The following CLPX variants were observed in gnomAD, a reference collection of about 807,000 sequenced individuals.
CLPX encodes ATP-dependent clpX-like chaperone, mitochondrial.
Under a neutral mutation model 76.4 loss-of-function variants are expected in CLPX, and 34 were observed. That is an observed-to-expected ratio of 0.45 (90% confidence interval 0.34 to 0.59). The LOEUF (loss-of-function observed/expected upper bound fraction) is 0.59, where lower values mean the gene tolerates loss of function less well. Among genes scored for constraint, CLPX ranks in the 20% least tolerant of loss-of-function variants. The pLI is 0.01. For missense variants in CLPX, 613 were observed against 757.0 expected (o/e 0.81, Z 2.23); for synonymous variants, 248 against 270.9 (o/e 0.92, Z 0.83).
chr15:65,149,044 C>T lies in CLPX; in HGVS notation c.*1779G>A, dbSNP rs2087685989. On this transcript the variant is annotated 3_prime_UTR_variant, in exon 14 of 14. Coordinates refer to ENST00000300107, the MANE Select transcript of CLPX (RefSeq NM_006660.5). ...TGTTCTAAGAAGCCAAAGAATTAGA[C>T]CAAAATGTTCAGCACCAAAAAACAA... The T allele has an allele frequency of 6.6e-6, 1 of 152,076 alleles. No individual in the cohort carries two copies. 9.4% of individuals were successfully genotyped at this position (152,076 alleles called of 1,614,324 possible). A position where few individuals can be genotyped will look rare whatever the true frequency, so the allele number is the denominator to read the frequency against.
At chr15:65,160,592 T>TTCTCTCTC (rs1226717522) in intron 6 of CLPX, among the ~76,000 whole-genome samples, 48 of 118,514 alleles carry the variant, frequency 4.1e-4, no homozygotes, top group African/African-American at 1.5e-3. Context: ...CATTCACTCA[T>TTCTCTCTC]TCTCTCTCTC....
At chr15:65,156,189 TC>T (rs1328215019) in intron 9 of CLPX, among the ~76,000 whole-genome samples, 1 of 152,176 alleles carries the variant, frequency 6.6e-6, no homozygotes, top group East Asian at 1.9e-4. Context: ...GTGGGAACAT[TC>T]AAAATTAGAA....
At chr15:65,159,390 C>A (rs2087826066) in intron 6 of CLPX, among the ~76,000 whole-genome samples, 1 of 152,166 alleles carries the variant, frequency 6.6e-6, no homozygotes, top group African/African-American at 2.4e-5. Flanking sequence ...CATGGTGGCT[C>A]ACCTGAGGTC....
intron 1 of CLPX, chr15:65,184,339 C>T (rs910150215): frequency 6.6e-6 from 1 of 152,218 alleles, no homozygotes; most frequent in Non-Finnish European, 1.5e-5. Flanking sequence ...AAAAGGTAAA[C>T]AACATGCGCC....
At chr15:65,170,570 C>T (rs1459347234) in intron 3 of CLPX, among the ~76,000 whole-genome samples, 1 of 151,718 alleles carries the variant, frequency 6.6e-6, no homozygotes, top group Non-Finnish European at 1.5e-5. Flanking sequence ...TTTGAGACCA[C>T]CCTGGCCAAC....
chr15:65,175,864 T>A (rs1442402520), intron 3 of CLPX, among the ~76,000 whole-genome samples: 1 of 152,176 alleles, frequency 6.6e-6, no homozygotes, highest in Non-Finnish European at 1.5e-5. Flanking sequence ...AAAAGACTTT[T>A]ATTATGGGTA....
rs551923573 is a variant in CLPX, at chr15:65,155,637, G to T, written c.1311+55C>A. On this transcript the variant is annotated intron_variant, in intron 10 of 13. Transcript: ENST00000300107. The stretch of plus-strand genomic sequence containing the variant: ...CCGCAGATATGAGAATGGAAACTGA[G>T]TGTACATCCTTTAAATGCTCTCTAT... The T allele has an allele frequency of 3.9e-5, 55 of 1,407,654 alleles. No homozygotes were observed. The African/African-American group carries it at 6.3e-4, about 16-fold the overall frequency. 87.2% of individuals were successfully genotyped at this position (1,407,654 alleles called of 1,614,324 possible). A position where few individuals can be genotyped will look rare whatever the true frequency, so the allele number is the denominator to read the frequency against.
chr15:65,184,207 A>C (rs2088220930), intron 1 of CLPX, among the ~76,000 whole-genome samples: 1 of 152,262 alleles, frequency 6.6e-6, no homozygotes, highest in Admixed American at 6.5e-5. Context: ...GAAGTCAGTC[A>C]TTATAACAGG....
At chr15:65,179,241 C>G (rs2088131383) in intron 2 of CLPX, among the ~76,000 whole-genome samples, 190 bp from the exon 3 acceptor site, 1 of 152,132 alleles carries the variant, frequency 6.6e-6, no homozygotes. Flanking sequence ...CAAATCAGTT[C>G]TAGTAAATAC....
At chr15:65,166,806 A>G in intron 3 of CLPX, 21 bp from the exon 4 acceptor site, 1 of 1,594,490 alleles carries the variant, frequency 6.3e-7, no homozygotes, top group Non-Finnish European at 8.5e-7. Flanking sequence ...AAACAGACAT[A>G]AGTAGAGGGA....
Position 65,156,911 on chromosome 15 carries a change from A to G in CLPX, c.1079T>C (p.Val360Ala). 1 of 1,611,928 alleles carries G rather than the reference A, an allele frequency of 6.2e-7. No homozygotes were observed. The highest frequency in any genetic ancestry group is 8.5e-7 in the Non-Finnish European group (1 of 1,178,656). Residue 360 changes from valine to alanine, a missense_variant, in exon 9 of 14, where the codon GTA (valine) becomes GCA (alanine). Transcript: ENST00000300107. ...AQQGIVFLDE[V>A]DKIGSVPGIH... ...GCCTGGCACACTGCCAATCTTATCT[A>G]CTTCATCCAGAAAGACAATTCCTAT...
chr15:65,177,226 G>A (rs1035762754), intron 3 of CLPX, among the ~76,000 whole-genome samples: 2 of 151,888 alleles, frequency 1.3e-5, no homozygotes, highest in African/African-American at 2.4e-5. Context: ...ACGCCACCAC[G>A]CCCGGCTAAT....
At chr15:65,157,435 G>T (rs1464295012) in intron 8 of CLPX, among the ~76,000 whole-genome samples, 1 of 152,134 alleles carries the variant, frequency 6.6e-6, no homozygotes, top group African/African-American at 2.4e-5. Context: ...CCTTGCCCCT[G>T]CCCTGTCCTG....
chr15:65,165,627 C>T (rs1250214847), intron 4 of CLPX, among the ~76,000 whole-genome samples: 5 of 151,620 alleles, frequency 3.3e-5, no homozygotes, highest in East Asian at 3.9e-4. Context: ...CCTCATGATC[C>T]GCCCGCCTCG....
rs2087680381 is a variant in CLPX, at chr15:65,148,475, A to G, written c.*2348T>C. 1 of 152,192 alleles carries G rather than the reference A, an allele frequency of 6.6e-6. No individual in the cohort carries two copies. The highest frequency in any genetic ancestry group is 1.5e-5 in the Non-Finnish European group (1 of 68,032). 9.4% of individuals were successfully genotyped at this position (152,192 alleles called of 1,614,324 possible). On this transcript the variant is annotated 3_prime_UTR_variant, in exon 14 of 14. Transcript: ENST00000300107. ...ATAATGAACAAAGTTATAATATGTA[A>G]GACTTCCTGGGAAGAACTTGAACCA... is the stretch of plus-strand genomic sequence containing the variant.
In CLPX at chr15:65,163,924, G is replaced by A. The variant is rs2087880291; in HGVS notation, c.673+105C>T. 4.2e-5 allele frequency: 46 copies of A among 1,083,926 alleles called. No individual in the cohort carries two copies. The South Asian group carries it at 6.0e-4, about 14-fold the overall frequency. 67.1% of individuals were successfully genotyped at this position (1,083,926 alleles called of 1,614,324 possible). On this transcript the variant is annotated intron_variant, in intron 5 of 13. Coordinates refer to ENST00000300107, the MANE Select transcript of CLPX (RefSeq NM_006660.5). ...GGGAATAACCTGCACTTTGAAAAAT[G>A]CCACACTATATAAAAAACATTTTAA...
chr15:65,156,294 A>T (rs2087788864), intron 9 of CLPX, among the ~76,000 whole-genome samples: 1 of 151,828 alleles, frequency 6.6e-6, no homozygotes, highest in African/African-American at 2.4e-5. Context: ...ATGCTTTTAT[A>T]AAAAAAAATT....
chr15:65,182,853 G>C (rs1490353412), intron 1 of CLPX, among the ~76,000 whole-genome samples: 2 of 152,176 alleles, frequency 1.3e-5, no homozygotes, highest in East Asian at 3.8e-4. Flanking sequence ...CTAAATTTCA[G>C]AACAACTGTT....
chr15:65,176,631 T>C (rs2088094855), intron 3 of CLPX, among the ~76,000 whole-genome samples: 1 of 151,726 alleles, frequency 6.6e-6, no homozygotes, highest in African/African-American at 2.4e-5. Context: ...GTTTCACTCT[T>C]GTTTCCCAGG....
Sources: allele counts gnomAD v4.1 joint callset (sites outside exome capture counted in the v4.1 genomes callset), GRCh38; gene constraint gnomAD v4.1.1; transcripts MANE v1.5; gene names NCBI Gene and HGNC (gene_info 2026-07-23, HGNC 2026-07-21).